Variants in PDE1C observed in about 807,000 individuals in gnomAD.
The protein encoded by PDE1C is dual specificity calcium/calmodulin-dependent 3',5'-cyclic nucleotide phosphodiesterase 1C.
Under a neutral mutation model 93.1 loss-of-function variants are expected in PDE1C, and 62 were observed. That is an observed-to-expected ratio of 0.67 (90% confidence interval 0.54 to 0.82). The LOEUF is 0.82. Ranked by LOEUF, PDE1C falls within the 40% of genes least tolerant of loss-of-function variation. The probability of loss-of-function intolerance (pLI) is 0.00; values close to 1 mark genes in which losing one functional copy is unlikely to be tolerated. For missense variants in PDE1C, 742 were observed against 884.6 expected (o/e 0.84, Z 2.04); for synonymous variants, 325 against 310.1 (o/e 1.05, Z -0.50).
At chr7:32,387,695 C>A (rs1784663160) in intron 1 of PDE1C, among the ~76,000 whole-genome samples, 1 of 147,780 alleles carries the variant, frequency 6.8e-6, no homozygotes, top group African/African-American at 2.5e-5. Context: ...CCCCCCACCT[C>A]CCTCCCGGAC....
At chr7:32,348,177 A>G (rs945534557) in intron 1 of PDE1C, among the ~76,000 whole-genome samples, 2 of 151,824 alleles carry the variant, frequency 1.3e-5, no homozygotes, top group African/African-American at 4.8e-5. Context: ...GGGTTTTAAG[A>G]CCAGTTTTGT....
the PDE1C span, among the ~76,000 whole-genome samples, chr7:31,730,482 G>A: frequency 6.6e-6 from 1 of 152,172 alleles, no homozygotes; most frequent in South Asian, 2.1e-4. Flanking sequence ...ACTAACCAGG[G>A]TGTTTGTCTC....
At chr7:32,213,284 G>A (rs1374560254) in intron 1 of PDE1C, among the ~76,000 whole-genome samples, 1 of 152,100 alleles carries the variant, frequency 6.6e-6, no homozygotes, top group Non-Finnish European at 1.5e-5. Context: ...TGGGGCGATT[G>A]GAACACAAGG....
chr7:32,112,804 ATGTGTGTGTGTGTGTGTGTG>A lies in PDE1C; in HGVS notation c.308+56961_308+56980del, dbSNP rs150245670. Among the ~76,000 whole-genome samples the A allele has an allele frequency of 1.2e-3, 81 of 66,724 alleles. 1 individual carries two copies. Among genetic ancestry groups the A allele is most frequent in the African/African-American group, 1.5e-3 (33 of 21,394 alleles). 43.8% of individuals were successfully genotyped at this position (66,724 alleles called of 152,430 possible). On this transcript the variant is annotated intron_variant, in intron 3 of 18. Coordinates refer to the PDE1C transcript ENST00000396193. The stretch of plus-strand genomic sequence containing the variant: ...ACATATAAAACATATATATACATAT[ATGTGTGTGTGTGTGTGTGTG>A]TGTGTGTGTGTGTGTGTGTGTGTAT...
In PDE1C at chr7:31,768,905, C is replaced by T. The variant is rs542044414; in HGVS notation, c.1960+6759G>A. 1.3e-4 allele frequency among the ~76,000 whole-genome samples: 20 copies of T among 152,252 alleles called. No homozygotes were observed. The East Asian group carries it at 3.9e-3, about 29-fold the overall frequency. Reference sequence around the variant, plus strand: ...CCGCCTCCCAGGTTCAAGCAATTCTCCTGCCTCAACTTCCTGAGTAGCCGG... The same window carrying T: ...CCGCCTCCCAGGTTCAAGCAATTCTTCTGCCTCAACTTCCTGAGTAGCCGG... On this transcript the variant is annotated intron_variant, in intron 17 of 17. Coordinates refer to ENST00000396191, the MANE Select transcript of PDE1C (RefSeq NM_001191057.4).
chr7:32,006,090 A>G (rs1271143637), intron 2 of PDE1C, among the ~76,000 whole-genome samples: 1 of 152,130 alleles, frequency 6.6e-6, no homozygotes, highest in African/African-American at 2.4e-5. Flanking sequence ...TCTTGGTTCC[A>G]TTAGTTCTGA....
chr7:32,284,776 T>C (rs1251330635), intron 1 of PDE1C, among the ~76,000 whole-genome samples: 1 of 152,192 alleles, frequency 6.6e-6, no homozygotes, highest in Middle Eastern at 3.2e-3. Context: ...CTCACGCCTG[T>C]AATCCCAGCA....
chr7:32,328,271 T>G (rs1162579486), intron 1 of PDE1C, among the ~76,000 whole-genome samples: 1 of 152,244 alleles, frequency 6.6e-6, no homozygotes, highest in African/African-American at 2.4e-5. Flanking sequence ...ACTAAGGTTC[T>G]AGTTAAATAG....
intron 1 of PDE1C, among the ~76,000 whole-genome samples, chr7:32,387,565 C>T (rs1349290229): frequency 6.7e-6 from 1 of 148,560 alleles, no homozygotes; most frequent in African/African-American, 2.5e-5. Context: ...CCTCACTTCC[C>T]AGTAGGGGCG....
chr7:31,667,847 A>T, the PDE1C span, among the ~76,000 whole-genome samples: 1 of 151,838 alleles, frequency 6.6e-6, no homozygotes, highest in East Asian at 1.9e-4. Context: ...GGAAAAAAAA[A>T]TTCAAGCCAC....
the PDE1C span, chr7:31,652,971 C>A: frequency 6.9e-7 from 1 of 1,453,144 alleles, no homozygotes; most frequent in Non-Finnish European, 9.0e-7. Context: ...TTGGTTAAAC[C>A]CAAGAGGAGT....
chr7:32,141,378 C>T (rs62456268), intron 3 of PDE1C, among the ~76,000 whole-genome samples: 30,838 of 152,142 alleles, frequency 0.2, 3,780 homozygotes, highest in Middle Eastern at 0.3. Flanking sequence ...AAGGGGAATA[C>T]GGTAACTTTA....
At chr7:31,704,608 T>C in the PDE1C span, among the ~76,000 whole-genome samples, 2 of 152,196 alleles carry the variant, frequency 1.3e-5, no homozygotes, top group Non-Finnish European at 2.9e-5. Flanking sequence ...ATTCCTACAA[T>C]GTGAAATATG....
intron 10 of PDE1C, 40 bp downstream of exon 10, chr7:31,837,830 C>T: frequency 1.5e-6 from 2 of 1,361,102 alleles, no homozygotes; most frequent in Admixed American, 1.7e-5. Flanking sequence ...CCCATTCAAA[C>T]ACCTATACAA....
intron 3 of PDE1C, among the ~76,000 whole-genome samples, chr7:32,140,295 A>G (rs1232799569): frequency 6.6e-6 from 1 of 152,230 alleles, no homozygotes; most frequent in Non-Finnish European, 1.5e-5. Flanking sequence ...GTCAAGACTG[A>G]AACTTGGGTA....
intron 1 of PDE1C, among the ~76,000 whole-genome samples, chr7:32,356,172 T>A (rs1784025898): frequency 6.6e-6 from 1 of 152,200 alleles, no homozygotes; most frequent in African/African-American, 2.4e-5. Flanking sequence ...AGGGATAAAA[T>A]GTCTGAGCAG....
intron 3 of PDE1C, among the ~76,000 whole-genome samples, chr7:32,147,141 G>T (rs1039687943): frequency 6.6e-6 from 1 of 151,016 alleles, no homozygotes; most frequent in Non-Finnish European, 1.5e-5. Context: ...ATCAGCATAC[G>T]CTGACATGGA....
At chr7:32,059,586 C>A (rs968191697) in intron 1 of PDE1C, among the ~76,000 whole-genome samples, 1 of 152,178 alleles carries the variant, frequency 6.6e-6, no homozygotes, top group African/African-American at 2.4e-5. Context: ...CTGCTTCTCT[C>A]ATGAGCCTGG....
At chr7:32,203,878 T>C (rs755085373) in intron 2 of PDE1C, among the ~76,000 whole-genome samples, 1 of 152,188 alleles carries the variant, frequency 6.6e-6, no homozygotes, top group Non-Finnish European at 1.5e-5. Context: ...GTTTCACAGA[T>C]AGAAAATTCG....
Sources: allele counts gnomAD v4.1 joint callset (sites outside exome capture counted in the v4.1 genomes callset), GRCh38; gene constraint gnomAD v4.1.1; transcripts MANE v1.5; gene names NCBI Gene and HGNC (gene_info 2026-07-23, HGNC 2026-07-21).